ADGRV1: variants seen among roughly 807,000 people sequenced by gnomAD.
ADGRV1 encodes the protein adhesion G protein-coupled receptor V1.
In ADGRV1, 359 loss-of-function variants were observed where a neutral mutation model predicts 596.2. The observed-to-expected ratio is 0.60, with a 90% confidence interval of 0.55 to 0.66. The LOEUF is 0.66. Among genes scored for constraint, ADGRV1 ranks in the 30% least tolerant of loss-of-function variants. The pLI is 0.00. For missense variants in ADGRV1, 7,274 were observed against 7,575.6 expected, an observed-to-expected ratio of 0.96 and a Z score of 1.48; for synonymous variants, 2,681 against 2,679.2, an observed-to-expected ratio of 1.00 and a Z score of -0.02.
intron 75 of ADGRV1, among the ~76,000 whole-genome samples, chr5:90,820,780 G>T (rs1581227688): frequency 6.6e-6 from 1 of 151,520 alleles, no homozygotes; most frequent in African/African-American, 2.4e-5. Context: ...TCTGCCGAGA[G>T]ATCCGCTGTT....
chr5:90,658,017 A>G lies in ADGRV1; in HGVS notation c.4491A>G (p.Glu1497=). The G allele has an allele frequency of 6.2e-7, 1 of 1,613,916 alleles. No individual in the cohort carries two copies. Among genetic ancestry groups the G allele is most frequent in the South Asian group, 1.1e-5 (1 of 91,084 alleles). Residue 1497 remains glutamate (E), a synonymous_variant, in exon 21 of 90, where the codon GAA becomes GAG. Transcript: ENST00000405460. ...AACTGACGCTTGAAGAAATTTATGAACTTCATGCCATGCCCGCAAAAAGTG... is the reference window on the plus strand; with the variant it reads ...AACTGACGCTTGAAGAAATTTATGAGCTTCATGCCATGCCCGCAAAAAGTG... The part of the protein sequence containing the change: ...ERKLTLEEIY[E]LHAMPAKSDL...
intron 43 of ADGRV1, among the ~76,000 whole-genome samples, chr5:90,719,320 C>CATAA (rs3045849): frequency 0.038 from 5,708 of 149,298 alleles, 147 homozygotes; most frequent in Non-Finnish European, 0.058. Context: ...GACTCTGTCT[C>CATAA]ATAAATAAAT....
chr5:90,931,297 A>G (rs1775231562), intron 83 of ADGRV1: 1 of 152,232 alleles, frequency 6.6e-6, no homozygotes, highest in Non-Finnish European at 1.5e-5. Context: ...AGGGCCAGAT[A>G]TCAAACAAGT....
At chr5:91,072,221 A>G (rs376935368) in intron 85 of ADGRV1, among the ~76,000 whole-genome samples, 92 of 152,232 alleles carry the variant, frequency 6.0e-4, no homozygotes, top group African/African-American at 2.0e-3. Flanking sequence ...AAGTTTTCTG[A>G]ACTTTACAAG....
At chr5:90,920,672 C>A (rs1370139105) in intron 83 of ADGRV1, among the ~76,000 whole-genome samples, 1 of 152,092 alleles carries the variant, frequency 6.6e-6, no homozygotes, top group Non-Finnish European at 1.5e-5. Flanking sequence ...CTAATTACTA[C>A]AGAATGTAAA....
intron 1 of ADGRV1, among the ~76,000 whole-genome samples, chr5:90,580,907 G>T (rs1359791808): frequency 6.6e-6 from 1 of 151,770 alleles, no homozygotes; most frequent in Admixed American, 6.6e-5. Context: ...CGTAGATTTG[G>T]TCTTTTCACA....
chr5:90,636,993 CA>C (rs1766296329), intron 10 of ADGRV1, among the ~76,000 whole-genome samples: 1 of 152,100 alleles, frequency 6.6e-6, no homozygotes, highest in Non-Finnish European at 1.5e-5. Flanking sequence ...ATGAAACCTC[CA>C]AATACAATTT....
At chr5:90,869,851 T>C (rs901057420) in intron 83 of ADGRV1, among the ~76,000 whole-genome samples, 11 of 152,168 alleles carry the variant, frequency 7.2e-5, no homozygotes, top group Non-Finnish European at 1.5e-4. Context: ...ATAGGTCACA[T>C]AGTGGTAAGT....
intron 87 of ADGRV1, among the ~76,000 whole-genome samples, chr5:91,117,959 G>A (rs939697863): frequency 2.6e-5 from 4 of 152,174 alleles, no homozygotes; most frequent in African/African-American, 9.7e-5. Context: ...AGCAGGAACA[G>A]TGCTCAGAAA....
chr5:90,698,302 C>T (rs1000206907), intron 34 of ADGRV1, among the ~76,000 whole-genome samples: 4 of 152,130 alleles, frequency 2.6e-5, no homozygotes, highest in African/African-American at 9.7e-5. Context: ...AGACACTCCA[C>T]CTTCATTATT....
intron 1 of ADGRV1, among the ~76,000 whole-genome samples, chr5:90,561,220 T>G (rs1280575291): frequency 6.6e-6 from 1 of 152,202 alleles, no homozygotes; most frequent in Non-Finnish European, 1.5e-5. Context: ...AGATTAAATG[T>G]GTGATCGTTC....
chr5:90,854,521 T>G (rs949300422), intron 81 of ADGRV1, among the ~76,000 whole-genome samples: 3 of 152,208 alleles, frequency 2.0e-5, no homozygotes, highest in African/African-American at 7.2e-5. Flanking sequence ...GGAAAGAAAT[T>G]CCTTCTTTTA....
chr5:91,087,774 A>G (rs900012561), intron 86 of ADGRV1, among the ~76,000 whole-genome samples: 1 of 152,206 alleles, frequency 6.6e-6, no homozygotes, highest in African/African-American at 2.4e-5. Context: ...CACTAATAGT[A>G]TATTCAATTT....
At chr5:91,153,533 C>G (rs1796230755) in intron 89 of ADGRV1, 135 bp downstream of exon 89, 1 of 476,510 alleles carries the variant, frequency 2.1e-6, no homozygotes, top group South Asian at 7.7e-5. Flanking sequence ...CATTCCTAAT[C>G]CCAGGAAAAC....
chr5:91,063,091 G>A, intron 85 of ADGRV1, among the ~76,000 whole-genome samples: 1 of 150,330 alleles, frequency 6.7e-6, no homozygotes, highest in East Asian at 2.0e-4. Context: ...CCGAGAAACT[G>A]GGAACACAGG....
intron 79 of ADGRV1, among the ~76,000 whole-genome samples, chr5:90,851,144 A>G (rs370337368): frequency 2.7e-5 from 2 of 74,376 alleles, no homozygotes; most frequent in Admixed American, 1.2e-4. Context: ...TGAGAGAGAG[A>G]GAGAGAGAGA....
intron 1 of ADGRV1, among the ~76,000 whole-genome samples, chr5:90,599,493 A>G (rs1761137421): frequency 6.6e-6 from 1 of 152,224 alleles, no homozygotes; most frequent in African/African-American, 2.4e-5. Flanking sequence ...GTACTTAACA[A>G]TCTTCAATGG....
chr5:91,017,987 G>T (rs937673401), intron 85 of ADGRV1, among the ~76,000 whole-genome samples: 1 of 151,784 alleles, frequency 6.6e-6, no homozygotes, highest in African/African-American at 2.4e-5. Context: ...ATGATATTCT[G>T]AAAGAATGTA....
chr5:90,949,339 C>T (rs1776869218), intron 83 of ADGRV1, among the ~76,000 whole-genome samples: 2 of 152,002 alleles, frequency 1.3e-5, no homozygotes, highest in African/African-American at 2.4e-5. Flanking sequence ...GGTGAGTGCA[C>T]CCTACTGTGT....
Sources: gnomAD v4.1 joint callset for allele counts (sites outside exome capture counted in the v4.1 genomes callset) on GRCh38, gnomAD v4.1.1 for gene constraint, MANE v1.5 for transcripts, NCBI Gene and HGNC (gene_info 2026-07-23, HGNC 2026-07-21) for gene names.